Variants in KIN observed in about 807,000 individuals in gnomAD.
The protein encoded by KIN is DNA/RNA-binding protein KIN17.
In KIN, 47 loss-of-function variants were observed where a neutral mutation model predicts 63.0. The ratio of observed to expected loss-of-function variants is 0.75; its 90% CI spans 0.59 to 0.95. KIN has a LOEUF of 0.95. Among genes scored for constraint, KIN ranks in the 40% least tolerant of loss-of-function variants. The pLI is 0.00. For missense variants in KIN, 408 were observed against 460.9 expected, an observed-to-expected ratio of 0.89 and a Z score of 1.05; for synonymous variants, 160 against 157.7, an observed-to-expected ratio of 1.01 and a Z score of -0.11.
intron 1 of KIN, 58 bp downstream of exon 1, chr10:7,787,762 T>C: frequency 1.5e-6 from 2 of 1,350,428 alleles, no homozygotes; most frequent in Non-Finnish European, 2.1e-6. Context: ...GTCCAGGACC[T>C]GATCCTGGAT....
intron 7 of KIN, among the ~76,000 whole-genome samples, chr10:7,774,263 C>T (rs1835723464): frequency 6.6e-6 from 1 of 152,154 alleles, no homozygotes; most frequent in Non-Finnish European, 1.5e-5. Context: ...TTACACTGTA[C>T]TGGGGACGAA....
At chr10:7,773,675 C>T (rs1004207428) in intron 7 of KIN, among the ~76,000 whole-genome samples, 1 of 152,116 alleles carries the variant, frequency 6.6e-6, no homozygotes, top group African/African-American at 2.4e-5. Flanking sequence ...TACTCCTAGC[C>T]ACTTATTCAA....
intron 9 of KIN, 96 bp downstream of exon 9, chr10:7,765,957 C>T (rs551443831): frequency 1.1e-4 from 83 of 782,552 alleles, no homozygotes; most frequent in Admixed American, 2.4e-4. Flanking sequence ...ATAGATTATA[C>T]GTGTTTGAAA....
intron 11 of KIN, among the ~76,000 whole-genome samples, chr10:7,760,905 G>A (rs1375482802): frequency 3.3e-5 from 5 of 152,166 alleles, no homozygotes; most frequent in Admixed American, 6.5e-5. Context: ...CTACAGATAC[G>A]TTCCACCACA....
chr10:7,768,052 C>T (rs780167067), intron 8 of KIN, among the ~76,000 whole-genome samples: 4 of 151,990 alleles, frequency 2.6e-5, no homozygotes, highest in African/African-American at 7.2e-5. Flanking sequence ...ATAAGGTAGG[C>T]TATGTGTTAG....
intron 7 of KIN, among the ~76,000 whole-genome samples, chr10:7,774,020 C>T (rs1158359227): frequency 6.6e-6 from 1 of 152,214 alleles, no homozygotes; most frequent in Non-Finnish European, 1.5e-5. Context: ...CAGCTGCCAC[C>T]GGCTTTTGTA....
intron 12 of KIN, 113 bp from the exon 13 acceptor site, chr10:7,756,255 A>G: frequency 1.8e-6 from 1 of 545,342 alleles, no homozygotes; most frequent in Non-Finnish European, 3.2e-6. Context: ...CTAAAATACC[A>G]TTAAGATTGT....
chr10:7,758,759 TAG>T (rs1564313946), intron 12 of KIN, among the ~76,000 whole-genome samples: 1 of 152,090 alleles, frequency 6.6e-6, no homozygotes, highest in African/African-American at 2.4e-5. Context: ...CTTATGCTGA[TAG>T]AGTCAGAGAA....
At chr10:7,779,191 T>A (rs538822344) in intron 4 of KIN, among the ~76,000 whole-genome samples, 172 bp from the exon 5 acceptor site, 47 of 152,290 alleles carry the variant, frequency 3.1e-4, no homozygotes, top group African/African-American at 1.1e-3. Flanking sequence ...GTGGATCACT[T>A]GAGGTCAGGA....
chr10:7,782,974 TTAACA>T, intron 2 of KIN, 102 bp downstream of exon 2: 1 of 486,974 alleles, frequency 2.1e-6, no homozygotes, highest in South Asian at 4.4e-5. Context: ...GAGAATACAG[TTAACA>T]TATAAGAAAT....
chr10:7,774,775 C>A, intron 7 of KIN, 56 bp downstream of exon 7: 2 of 1,309,082 alleles, frequency 1.5e-6, no homozygotes, highest in East Asian at 2.3e-5. Context: ...AATACAGTAA[C>A]CAATATTTCA....
chr10:7,778,745 A>G, intron 5 of KIN, 93 bp downstream of exon 5: 1 of 1,361,286 alleles, frequency 7.3e-7, no homozygotes, highest in Non-Finnish European at 1.0e-6. Context: ...TCTCCAAAAC[A>G]ACAACAACAA....
chr10:7,760,226 T>C (rs982352665), intron 11 of KIN, among the ~76,000 whole-genome samples: 2 of 152,194 alleles, frequency 1.3e-5, no homozygotes, highest in African/African-American at 4.8e-5. Flanking sequence ...TAAAGGAATA[T>C]GTATGTTTTA....
At position 7,751,997 on chromosome 10, in the gene KIN, TGCAGTCC is replaced by T. The variant is rs1281965042; in HGVS notation, c.*4076_*4082del. The T allele has an allele frequency of 9.1e-5, 6 of 66,256 alleles. 2 individuals carry two copies. Among genetic ancestry groups the T allele is most frequent in the African/African-American group, 3.2e-4 (5 of 15,818 alleles). 4.1% of individuals were successfully genotyped at this position (66,256 alleles called of 1,614,324 possible). A position where few individuals can be genotyped will look rare whatever the true frequency, so the allele number is the denominator to read the frequency against. On this transcript the variant is annotated 3_prime_UTR_variant, in exon 13 of 13. Transcript: ENST00000379562. ...TTGCAGTGAGCCGAGATTGCGCCAC[TGCAGTCC>T]GCAGTCCGGCCTGGGCGACAGAGCG...
rs772643196 is a variant in KIN at position 7,763,729 on chromosome 10, A to G, written c.912T>C (p.Ile304=). The change falls in exon 10 of 13, where the codon ATT becomes ATC. Residue 304 remains isoleucine, a synonymous_variant. Transcript: ENST00000379562. ...CATAATTGCACGTCCTTACCTTAAC[A>G]ATAGCCTTTTTCTTATGATATTTCT... ...LGEKYHKKKA[I]VKEVIDKYTA... 1 of 1,484,484 alleles carries G rather than the reference A, an allele frequency of 6.7e-7. No individual in the cohort carries two copies. Among genetic ancestry groups the G allele is most frequent in the East Asian group, 2.3e-5 (1 of 43,310 alleles). 92.0% of individuals were successfully genotyped at this position (1,484,484 alleles called of 1,614,324 possible). A position where few individuals can be genotyped will look rare whatever the true frequency, so the allele number is the denominator to read the frequency against.
At chr10:7,785,402 C>T (rs747119045) in intron 1 of KIN, among the ~76,000 whole-genome samples, 4 of 152,044 alleles carry the variant, frequency 2.6e-5, no homozygotes, top group Non-Finnish European at 4.4e-5. Flanking sequence ...ACAGAAACTA[C>T]GAGTTAGAAG....
chr10:7,784,498 G>A (rs1176631037), intron 1 of KIN, among the ~76,000 whole-genome samples: 2 of 152,246 alleles, frequency 1.3e-5, no homozygotes, highest in East Asian at 3.9e-4. Flanking sequence ...TGAGGCGGGA[G>A]GATTGCTTAA....
chr10:7,772,999 G>A (rs951953326), intron 7 of KIN, among the ~76,000 whole-genome samples: 2 of 152,218 alleles, frequency 1.3e-5, no homozygotes, highest in Non-Finnish European at 2.9e-5. Flanking sequence ...CCCTTTTCTT[G>A]TAAGAGCAAG....
rs1835405129 is a variant in KIN, at chr10:7,759,878, A to C, written c.1119+12T>G. ...CATTTTGAAATTTCTGTCTTTGTGT[A>C]AACAAACTTACAGTTTCAATGACGA... On this transcript the variant is annotated intron_variant, in intron 12 of 12. Transcript: ENST00000379562. 6.0e-6 allele frequency: 8 copies of C among 1,338,286 alleles called. No individual in the cohort carries two copies. Among genetic ancestry groups the C allele is most frequent in the Non-Finnish European group, 7.4e-6 (7 of 943,972 alleles). The allele number at this position is 1,338,286 out of a possible 1,614,324, so 82.9% of individuals were successfully genotyped here. A position where few individuals can be genotyped will look rare whatever the true frequency, so the allele number is the denominator to read the frequency against.
Sources: allele counts gnomAD v4.1 joint callset (sites outside exome capture counted in the v4.1 genomes callset), GRCh38; gene constraint gnomAD v4.1.1; transcripts MANE v1.5; gene names NCBI Gene and HGNC (gene_info 2026-07-23, HGNC 2026-07-21).